FBXL13: variants seen among roughly 807,000 people sequenced by gnomAD.
FBXL13 encodes the protein F-box and leucine-rich repeat protein 13.
FBXL13 carries 67 observed loss-of-function variants against 83.6 expected under a neutral mutation model. The observed-to-expected ratio is 0.80, with a 90% CI of 0.66 to 0.98. The LOEUF is 0.98. Among genes scored for constraint, FBXL13 ranks in the 50% least tolerant of loss-of-function variants. FBXL13 has a pLI of 0.00. For missense variants in FBXL13, 822 were observed against 866.5 expected (o/e 0.95, Z 0.64); for synonymous variants, 272 against 299.5 (o/e 0.91, Z 0.95).
chr7:103,048,222 A>G (rs1796467865), intron 2 of FBXL13, among the ~76,000 whole-genome samples: 1 of 152,076 alleles, frequency 6.6e-6, no homozygotes, highest in Admixed American at 6.6e-5. Flanking sequence ...TTAAATATAA[A>G]GATATATATA....
chr7:102,857,455 T>C (rs11983456), intron 16 of FBXL13: 29,314 of 152,626 alleles, frequency 0.19, 3,083 homozygotes, highest in East Asian at 0.43. Flanking sequence ...AAGACATATG[T>C]GAGGGCGATG....
At chr7:102,822,376 G>C (rs1242736374) in intron 18 of FBXL13, 173 bp from the exon 20 acceptor site, 2 of 721,016 alleles carry the variant, frequency 2.8e-6, no homozygotes, top group East Asian at 2.7e-5. Flanking sequence ...GATAAAGATA[G>C]AGGTACCTGC....
At chr7:102,920,115 A>G (rs955374452) in intron 10 of FBXL13, among the ~76,000 whole-genome samples, 1 of 152,234 alleles carries the variant, frequency 6.6e-6, no homozygotes, top group Non-Finnish European at 1.5e-5. Flanking sequence ...ATCACTGTGT[A>G]CCACAGGAGT....
At chr7:102,965,702 T>C (rs963111998) in intron 7 of FBXL13, among the ~76,000 whole-genome samples, 21 of 152,180 alleles carry the variant, frequency 1.4e-4, no homozygotes, top group African/African-American at 5.1e-4. Flanking sequence ...AAAGAGACAT[T>C]GGGGAGAGGA....
At chr7:102,850,511 T>A (rs1441329183) in intron 17 of FBXL13, among the ~76,000 whole-genome samples, 2 of 152,196 alleles carry the variant, frequency 1.3e-5, no homozygotes, top group Non-Finnish European at 2.9e-5. Context: ...TTTTGTCTAG[T>A]CTATCACCTT....
At chr7:103,017,185 A>G (rs1281521693) in intron 6 of FBXL13, among the ~76,000 whole-genome samples, 4 of 152,106 alleles carry the variant, frequency 2.6e-5, no homozygotes, top group Admixed American at 2.0e-4. Context: ...GCTGTTCTGC[A>G]GCCTCTGCTG....
At chr7:102,889,987 A>G (rs1584796763) in intron 11 of FBXL13, among the ~76,000 whole-genome samples, 1 of 148,612 alleles carries the variant, frequency 6.7e-6, no homozygotes, top group East Asian at 2.1e-4. Flanking sequence ...CAATAAGATT[A>G]GTATCCAGAA....
rs538485193 is a variant in FBXL13 at position 102,987,607 on chromosome 7, A to G, written c.496-19490T>C. Among the ~76,000 whole-genome samples the G allele has an allele frequency of 2.5e-3, 388 of 152,356 alleles. 3 individuals are homozygous for G. The highest frequency in any genetic ancestry group is 8.9e-3 in the African/African-American group (371 of 41,584). On this transcript the variant is annotated intron_variant, in intron 6 of 19. Coordinates refer to ENST00000313221, the Ensembl canonical transcript of FBXL13. Reference sequence around the variant, plus strand: ...ATAGTGAAATAAAAACATAAGCCTCACTATATGGCAAAACTTGAAATAATG... The same window carrying G: ...ATAGTGAAATAAAAACATAAGCCTCGCTATATGGCAAAACTTGAAATAATG...
At chr7:102,835,206 C>T (rs962899629) in intron 17 of FBXL13, among the ~76,000 whole-genome samples, 2 of 152,152 alleles carry the variant, frequency 1.3e-5, no homozygotes, top group Admixed American at 6.5e-5. Context: ...GTATTTGACT[C>T]ATTCCTGTAC....
chr7:102,957,693 AAAAC>A (rs747836317), intron 8 of FBXL13, among the ~76,000 whole-genome samples: 34 of 152,286 alleles, frequency 2.2e-4, no homozygotes, highest in East Asian at 5.8e-4. Flanking sequence ...TACAAGAAAA[AAAAC>A]AAACAAACCC....
intron 14 of FBXL13, among the ~76,000 whole-genome samples, chr7:102,880,794 C>A (rs1002888549): frequency 2.6e-5 from 4 of 152,192 alleles, no homozygotes; most frequent in Non-Finnish European, 4.4e-5. Flanking sequence ...GAACTACCTA[C>A]CTGAGACCAC....
chr7:102,816,006 C>T (rs762591040), intron 19 of FBXL13, among the ~76,000 whole-genome samples: 27 of 152,130 alleles, frequency 1.8e-4, no homozygotes, highest in Non-Finnish European at 3.4e-4. Flanking sequence ...GGGACAGAAT[C>T]GAAATGAGCT....
intron 2 of FBXL13, among the ~76,000 whole-genome samples, chr7:103,036,740 G>A (rs1795110398): frequency 6.6e-6 from 1 of 152,096 alleles, no homozygotes; most frequent in African/African-American, 2.4e-5. Context: ...TTGAACTCCT[G>A]GCCTCAAGTG....
At chr7:102,942,189 C>T in intron 8 of FBXL13, 1 of 819,540 alleles carries the variant, frequency 1.2e-6, no homozygotes, top group Non-Finnish European at 2.0e-6. Flanking sequence ...ATGCCAAGCA[C>T]TTTCCTAGAA....
Position 103,028,581 on chromosome 7 carries a change from C to A in FBXL13, c.217+19G>T. 1 of 1,494,760 alleles carries A rather than the reference C, an allele frequency of 6.7e-7. No homozygotes were observed. Among genetic ancestry groups the A allele is most frequent in the South Asian group, 1.4e-5 (1 of 70,954 alleles). The allele number at this position is 1,494,760 out of a possible 1,614,324, so 92.6% of individuals were successfully genotyped here. ...AATAAATGGATACAAAAAGTAATTG[C>A]TACTATGTAAGAATTTACTTTTAAG... is the stretch of plus-strand genomic sequence containing the variant. On this transcript the variant is annotated intron_variant, in intron 4 of 19. Coordinates refer to ENST00000313221, the Ensembl canonical transcript of FBXL13.
exon 13 of FBXL13, chr7:102,883,636 G>A (rs925189207): frequency 6.2e-7 from 1 of 1,612,120 alleles, no homozygotes; most frequent in East Asian, 2.2e-5. Context: ...GATATGCGGT[G>A]CACCAGTGAA....
intron 17 of FBXL13, among the ~76,000 whole-genome samples, chr7:102,842,987 C>T (rs557253173): frequency 1.2e-4 from 18 of 152,344 alleles, no homozygotes; most frequent in African/African-American, 4.1e-4. Context: ...GGCTGCCGCC[C>T]TTCCCAGTCC....
intron 11 of FBXL13, among the ~76,000 whole-genome samples, chr7:102,898,599 G>A (rs544490771): frequency 7.1e-4 from 108 of 151,968 alleles, no homozygotes; most frequent in Non-Finnish European, 1.3e-3. Flanking sequence ...CCACTTTTCT[G>A]TATTATATTT....
intron 6 of FBXL13, among the ~76,000 whole-genome samples, chr7:103,023,359 A>T (rs1023543659): frequency 2.6e-5 from 4 of 152,234 alleles, no homozygotes; most frequent in African/African-American, 9.6e-5. Context: ...CACTTCTTAG[A>T]AGACATACAG....
Sources: gnomAD v4.1 joint callset for allele counts (sites outside exome capture counted in the v4.1 genomes callset) on GRCh38, gnomAD v4.1.1 for gene constraint, MANE v1.5 for transcripts, NCBI Gene and HGNC (gene_info 2026-07-23, HGNC 2026-07-21) for gene names.